Variants in CHD2 observed in about 807,000 individuals in gnomAD.
CHD2 encodes chromodomain helicase DNA binding protein 2.
In CHD2, 28 loss-of-function variants were observed where a neutral mutation model predicts 243.9. The ratio of observed to expected loss-of-function variants is 0.11; its 90% CI spans 0.09 to 0.16. The LOEUF (loss-of-function observed/expected upper bound fraction) is 0.16. CHD2 is among the 10% of genes least tolerant of loss of function. The pLI is 1.00. For synonymous variants in CHD2, 775 were observed against 779.0 expected, an observed-to-expected ratio of 0.99 and a Z score of 0.09; for missense variants, 1,386 against 2,209.8, an observed-to-expected ratio of 0.63 and a Z score of 7.47.
chr15:92,985,952 A>G (rs1287480418), intron 26 of CHD2, among the ~76,000 whole-genome samples: 1 of 152,198 alleles, frequency 6.6e-6, no homozygotes, highest in Non-Finnish European at 1.5e-5. Context: ...GGAAGGAGAT[A>G]ATTGACATAC....
intron 5 of CHD2, among the ~76,000 whole-genome samples, chr15:92,932,019 C>T (rs935229765): frequency 3.7e-4 from 56 of 152,102 alleles, no homozygotes; most frequent in African/African-American, 1.1e-3. Context: ...TGCGCCACCA[C>T]GTCCAGCTAA....
chr15:92,934,588 CCAGTAATG>C (rs904707076), intron 5 of CHD2, among the ~76,000 whole-genome samples: 1 of 152,064 alleles, frequency 6.6e-6, no homozygotes, highest in African/African-American at 2.4e-5. Flanking sequence ...TTATAAGAGG[CCAGTAATG>C]TAGGAGAGGA....
At chr15:92,905,444 G>GT (rs936469131) in intron 2 of CHD2, among the ~76,000 whole-genome samples, 2 of 152,168 alleles carry the variant, frequency 1.3e-5, no homozygotes, top group African/African-American at 2.4e-5. Context: ...TGTGGACAAA[G>GT]TTTTTTTCCT....
chr15:93,017,492 A>ATTTTTTTTTTTTTTTT (rs760713016), intron 37 of CHD2, among the ~76,000 whole-genome samples: 2 of 96,806 alleles, frequency 2.1e-5, no homozygotes, highest in Non-Finnish European at 2.0e-5. Flanking sequence ...TGCCGGGCTA[A>ATTTTTTTTTTTTTTTT]TTTTTTTTTT....
chr15:92,908,003 AT>A (rs71877681), intron 2 of CHD2, among the ~76,000 whole-genome samples: 10,109 of 107,598 alleles, frequency 0.094, 490 homozygotes, highest in African/African-American at 0.21. Flanking sequence ...CTCTCTTAGA[AT>A]TTTTTTTTTT....
chr15:92,911,732 C>G (rs577126906), intron 2 of CHD2, among the ~76,000 whole-genome samples: 67 of 152,158 alleles, frequency 4.4e-4, no homozygotes, highest in Non-Finnish European at 7.8e-4. Flanking sequence ...GAGACTGTGT[C>G]CCCCCAACCC....
At position 92,967,350 on chromosome 15, in the gene CHD2, G is replaced by C; in HGVS notation, c.2026G>C (p.Glu676Gln). 1 of 1,610,508 alleles carries C rather than the reference G, an allele frequency of 6.2e-7. No homozygotes were observed. The highest frequency in any genetic ancestry group is 1.3e-5 in the African/African-American group (1 of 74,794). ...EKFEFWEDFE[E>Q]DHGKGRENGY... ...GTTTGAATTTTGGGAAGATTTTGAA[G>C]AAGACCATGGGAAGGGGAGAGAAAA... Residue 676 changes from glutamate (E) to glutamine (Q), a missense_variant, in exon 17 of 39, where the codon GAA (glutamate) becomes CAA (glutamine). Transcript: ENST00000394196.
chr15:92,996,003 A>G (rs529010449), intron 28 of CHD2, among the ~76,000 whole-genome samples: 3 of 152,220 alleles, frequency 2.0e-5, no homozygotes, highest in Non-Finnish European at 4.4e-5. Flanking sequence ...TTTGTTCTAT[A>G]AAGTGTCTAT....
At chr15:93,005,490 C>T (rs986907858) in intron 34 of CHD2, among the ~76,000 whole-genome samples, 2 of 152,070 alleles carry the variant, frequency 1.3e-5, no homozygotes, top group East Asian at 1.9e-4. Flanking sequence ...GTCTCTTCTC[C>T]CCATACTTCC....
At chr15:92,929,217 G>T in intron 5 of CHD2, 126 bp downstream of exon 5, 2 of 823,754 alleles carry the variant, frequency 2.4e-6, no homozygotes, top group Non-Finnish European at 3.9e-6. Flanking sequence ...TCTCTTACTA[G>T]CTCGGGTGAC....
chr15:92,925,238 A>G (rs1454334610), intron 3 of CHD2, among the ~76,000 whole-genome samples: 34 of 152,198 alleles, frequency 2.2e-4, no homozygotes, highest in Non-Finnish European at 5.9e-5. Flanking sequence ...GAGAACTTCT[A>G]AGGAAGGCTC....
At chr15:92,993,775 G>A (rs1293990595) in intron 28 of CHD2, among the ~76,000 whole-genome samples, 2 of 152,064 alleles carry the variant, frequency 1.3e-5, no homozygotes, top group African/African-American at 2.4e-5. Flanking sequence ...GTGAGACCTT[G>A]TCTCTACAAA....
intron 2 of CHD2, among the ~76,000 whole-genome samples, chr15:92,916,656 C>T (rs957650390): frequency 1.3e-5 from 2 of 152,178 alleles, no homozygotes; most frequent in South Asian, 2.1e-4. Context: ...CACGTTCAAG[C>T]GATTCTCCTA....
chr15:92,939,435 C>T, intron 6 of CHD2, 143 bp from the exon 7 acceptor site: 1 of 859,522 alleles, frequency 1.2e-6, no homozygotes, highest in South Asian at 2.1e-5. Context: ...GGAGTAGGGC[C>T]CAAGAATATG....
intron 2 of CHD2, among the ~76,000 whole-genome samples, chr15:92,907,660 G>A (rs2052647439): frequency 6.6e-6 from 1 of 152,156 alleles, no homozygotes; most frequent in Non-Finnish European, 1.5e-5. Flanking sequence ...TTTTAAAAAT[G>A]TAGATAATGG....
intron 5 of CHD2, among the ~76,000 whole-genome samples, chr15:92,937,185 C>T (rs1003291433): frequency 8.5e-5 from 13 of 152,094 alleles, no homozygotes; most frequent in African/African-American, 2.4e-5. Flanking sequence ...TTAACAAGCC[C>T]TTTAGGTGGT....
chr15:92,949,915 C>T (rs1268872964), intron 13 of CHD2, among the ~76,000 whole-genome samples: 2 of 152,238 alleles, frequency 1.3e-5, no homozygotes, highest in Non-Finnish European at 2.9e-5. Flanking sequence ...CTTACTGCTG[C>T]GTCCTGTCTC....
intron 34 of CHD2, among the ~76,000 whole-genome samples, chr15:93,007,083 CAT>C (rs1275823556): frequency 5.3e-5 from 8 of 152,210 alleles, no homozygotes; most frequent in African/African-American, 1.7e-4. Flanking sequence ...GTGGGTCATT[CAT>C]TAGGTGTACA....
At chr15:92,916,251 C>T (rs906826312) in intron 2 of CHD2, among the ~76,000 whole-genome samples, 3 of 152,202 alleles carry the variant, frequency 2.0e-5, no homozygotes, top group African/African-American at 7.2e-5. Flanking sequence ...TCAGGACCTC[C>T]TGAGGATGTG....
Sources: allele counts gnomAD v4.1 joint callset (sites outside exome capture counted in the v4.1 genomes callset), GRCh38; gene constraint gnomAD v4.1.1; transcripts MANE v1.5; gene names NCBI Gene and HGNC (gene_info 2026-07-23, HGNC 2026-07-21).